ERI2: variants seen among roughly 807,000 people sequenced by gnomAD.
ERI2 encodes the protein ERI1 exoribonuclease 2.
ERI2 carries 35 observed loss-of-function variants against 46.8 expected under a neutral mutation model. That is an observed-to-expected ratio of 0.75 (90% confidence interval 0.57 to 0.99). ERI2 has a LOEUF of 0.99. ERI2 is among the 50% of genes least tolerant of loss of function. The pLI is 0.00. For synonymous variants in ERI2, 224 were observed against 271.0 expected (o/e 0.83, Z 1.70); for missense variants, 695 against 796.2 (o/e 0.87, Z 1.53).
rs1233006407 is a variant in ERI2, at chr16:20,797,728, T to C, written c.2072A>G (p.Asn691Ser). 1 of 1,540,948 alleles carries C rather than the reference T, an allele frequency of 6.5e-7. No homozygotes were observed. ...GGATTCATACATGAAAGGTTATCAATTCCTCATTGAAGGCCTGAGTCTCAA... is the reference window on the plus strand; with the variant it reads ...GGATTCATACATGAAAGGTTATCAACTCCTCATTGAAGGCCTGAGTCTCAA... The part of the protein sequence containing the change: ...NSLRLRPSMR[N>S] The change falls in exon 9 of 9, where the codon AAT becomes AGT. Residue 691 changes from asparagine to serine, a missense_variant. Asn to Ser is a conservative substitution (Grantham distance 46, BLOSUM62 1). Transcript: ENST00000357967.
At position 20,800,380 on chromosome 16, in the gene ERI2, C is replaced by T. The variant is rs1460059238; in HGVS notation, c.483G>A (p.Leu161=). The change falls in exon 6 of 9, where the codon CTG becomes CTA. Residue 161 remains leucine, a synonymous_variant. Transcript: ENST00000357967. ...GCTGCTTTCTTTTACACTCATACTCCAGGCAAACCCCCAAGTCCCAGTCTG... is the reference window on the plus strand; with the variant it reads ...GCTGCTTTCTTTTACACTCATACTCTAGGCAAACCCCCAAGTCCCAGTCTG... ...TWSDWDLGVC[L]EYECKRKQLL... is the part of the protein sequence containing the mutation. 6.2e-7 allele frequency: 1 copy of T among 1,608,162 alleles called. No individual in the cohort carries two copies. The highest frequency in any genetic ancestry group is 8.5e-7 in the Non-Finnish European group (1 of 1,176,440).
chr16:20,781,716 C>T, intron 10 of ERI2: 1 of 1,612,352 alleles, frequency 6.2e-7, no homozygotes, highest in Non-Finnish European at 8.5e-7. Context: ...AGACACTCTC[C>T]AAGTACCCCA....
intron 10 of ERI2, among the ~76,000 whole-genome samples, chr16:20,788,351 G>A (rs1371863475): frequency 6.6e-6 from 1 of 152,056 alleles, no homozygotes; most frequent in East Asian, 1.9e-4. Flanking sequence ...GGTCTTACAG[G>A]CACAGCTGTA....
rs753321212 is a variant in ERI2 at position 20,781,824 on chromosome 16, A to C, written c.895-1090T>G. 31 of 1,440,364 alleles carry C rather than the reference A, an allele frequency of 2.2e-5. 1 individual carries two copies. The Admixed American group carries it at 5.1e-4, about 24-fold the overall frequency. 89.2% of individuals were successfully genotyped at this position (1,440,364 alleles called of 1,614,324 possible). A position where few individuals can be genotyped will look rare whatever the true frequency, so the allele number is the denominator to read the frequency against. ...TAGTAAATAGGCATCTAGTGGGGAG[A>C]GGGGAGAAGAGGAAGCTATAAAATA... On this transcript the variant is annotated intron_variant, in intron 10 of 10. Coordinates refer to the ERI2 transcript ENST00000300005.
intron 10 of ERI2, chr16:20,780,923 C>G (rs2080338840): frequency 1.9e-6 from 3 of 1,612,304 alleles, no homozygotes; most frequent in East Asian, 2.2e-5. Flanking sequence ...ATGTACTGGT[C>G]TTTTATATTT....
chr16:20,803,973 C>G (rs1312778028), intron 1 of ERI2, among the ~76,000 whole-genome samples: 2 of 152,080 alleles, frequency 1.3e-5, no homozygotes, highest in African/African-American at 4.8e-5. Flanking sequence ...CCACCACAGT[C>G]TCCTGACTAA....
intron 8 of ERI2, 59 bp downstream of exon 8, chr16:20,799,204 A>T: frequency 6.3e-7 from 1 of 1,584,214 alleles, no homozygotes; most frequent in Non-Finnish European, 8.6e-7. Flanking sequence ...CGTTTCAAAG[A>T]ACGTATGACT....
At chr16:20,782,768 A>G (rs986183415) in intron 10 of ERI2, among the ~76,000 whole-genome samples, 20 of 152,276 alleles carry the variant, frequency 1.3e-4, no homozygotes, top group East Asian at 7.7e-4. Context: ...GTAATTTGCT[A>G]TGATGGCTCA....
chr16:20,791,860 A>T, downstream of ERI2: 5 of 867,822 alleles, frequency 5.8e-6, no homozygotes, highest in South Asian at 8.8e-5. Context: ...CCTGGGAGGC[A>T]GAGGTTGCAG....
At chr16:20,785,595 A>C (rs2080454117) in intron 10 of ERI2, among the ~76,000 whole-genome samples, 1 of 152,182 alleles carries the variant, frequency 6.6e-6, no homozygotes, top group African/African-American at 2.4e-5. Context: ...AAAATGAAAT[A>C]AGAACAAAAA....
Position 20,798,249 on chromosome 16 carries a change from A to G in ERI2, c.1551T>C (p.Ser517=), listed in dbSNP as rs962249517. ...GATGTTTCCCCAAAACTAAAGGATG[A>G]GACATATTGGCATTAACTCTGTTGA... is the stretch of plus-strand genomic sequence containing the variant. ...STFNRVNANM[S]HPLVLGKHPL... Residue 517 remains serine (S), a synonymous_variant, in exon 9 of 9, where the codon TCT becomes TCC. Coordinates refer to ENST00000357967, the MANE Select transcript of ERI2 (RefSeq NM_001142725.2). 5 of 1,551,498 alleles carry G rather than the reference A, an allele frequency of 3.2e-6. No homozygotes were observed. In the African/African-American group the frequency reaches 6.8e-5, roughly 21 times the overall value.
intron 7 of ERI2, 108 bp downstream of exon 7, chr16:20,799,849 T>A (rs1175275198): frequency 9.0e-6 from 6 of 663,268 alleles, no homozygotes; most frequent in Non-Finnish European, 1.6e-5. Context: ...GAGTTTTTTT[T>A]TTTTAGGCTG....
intron 8 of ERI2, 22 bp from the exon 9 acceptor site, chr16:20,799,089 C>T (rs1567370626): frequency 1.3e-6 from 2 of 1,487,824 alleles, no homozygotes; most frequent in South Asian, 2.8e-5. Context: ...CAGACAAATG[C>T]AACAGCTTTA....
In ERI2 at chr16:20,784,952, C is replaced by T. The variant is rs761481939; in HGVS notation, c.895-4218G>A. On this transcript the variant is annotated intron_variant, in intron 10 of 10. Coordinates refer to the ERI2 transcript ENST00000300005. ...ATCTTCACTTCTCTCCATTTTTCCT[C>T]CTAAATCTAACTTATCTGGTTTTCT... 3.8e-6 allele frequency: 6 copies of T among 1,589,406 alleles called. No individual in the cohort carries two copies. In the Admixed American group the frequency reaches 1.1e-4, roughly 30 times the overall value.
downstream of ERI2, among the ~76,000 whole-genome samples, chr16:20,792,918 G>A (rs1022831071): frequency 2.6e-5 from 4 of 152,110 alleles, no homozygotes; most frequent in Admixed American, 6.5e-5. Context: ...AGCCTCCTGC[G>A]TTTTGCCTGT....
intron 7 of ERI2, 140 bp from the exon 8 acceptor site, chr16:20,799,491 T>A (rs528808405): frequency 1.3e-6 from 1 of 751,344 alleles, no homozygotes; most frequent in African/African-American, 1.8e-5. Context: ...CTACTAATTT[T>A]AATCATGATA....
In ERI2 at chr16:20,790,843, G is replaced by A. The variant is rs1166784109; in HGVS notation, c.815+7C>T. 2 of 1,613,884 alleles carry A rather than the reference G, an allele frequency of 1.2e-6. No homozygotes were observed. Among genetic ancestry groups the A allele is most frequent in the African/African-American group, 2.7e-5 (2 of 74,930 alleles). On this transcript the variant is annotated splice_region_variant and intron_variant, in intron 9 of 10. Coordinates refer to the ERI2 transcript ENST00000300005. This position sits in a 1 kb window ranked among gnomAD's most constrained non-coding sequence, Gnocchi z 4.0. ...GTAATCCAAAAGACAAGAAATTGAA[G>A]AAATACCCAAATTCTTGCTGAAGAA...
chr16:20,799,458 C>A (rs910526062), intron 7 of ERI2, 107 bp from the exon 8 acceptor site: 10 of 1,119,102 alleles, frequency 8.9e-6, no homozygotes, highest in Non-Finnish European at 1.3e-5. Flanking sequence ...GAAATTGGAA[C>A]ACAGTTTTAG....
chr16:20,783,009 T>C (rs1468851377), intron 10 of ERI2, among the ~76,000 whole-genome samples: 1 of 152,198 alleles, frequency 6.6e-6, no homozygotes, highest in Non-Finnish European at 1.5e-5. Context: ...TATGTAGGCA[T>C]GATTGATTAT....
Sources: allele counts gnomAD v4.1 joint callset (sites outside exome capture counted in the v4.1 genomes callset), GRCh38; gene constraint gnomAD v4.1.1; non-coding constraint Gnocchi (gnomAD v3.1); transcripts MANE v1.5; gene names NCBI Gene and HGNC (gene_info 2026-07-23, HGNC 2026-07-21).